Variants in LONP2 observed in about 807,000 individuals in gnomAD.
The protein encoded by LONP2 is lon peptidase 2, peroxisomal.
Under a neutral mutation model 85.6 loss-of-function variants are expected in LONP2, and 60 were observed. The observed-to-expected ratio is 0.70, with a 90% CI of 0.57 to 0.87. The LOEUF is 0.87. Ranked by LOEUF, LONP2 falls within the 40% of genes least tolerant of loss-of-function variation. LONP2 has a pLI of 0.00. For missense variants in LONP2, 860 were observed against 1,063.5 expected, an observed-to-expected ratio of 0.81 and a Z score of 2.66; for synonymous variants, 395 against 389.7, an observed-to-expected ratio of 1.01 and a Z score of -0.16.
chr16:48,351,562 CT>C lies in LONP2; in HGVS notation c.2338-13del. 1 of 1,607,104 alleles carries C rather than the reference CT, an allele frequency of 6.2e-7. No homozygotes were observed. On this transcript the variant is annotated intron_variant, in intron 14 of 14. Transcript: ENST00000285737. ...TGAGGGTGATCATTAACCCTAAAAACTTTTTTCTCTCCTTACAGGTGGGTGG... is the reference window on the plus strand; with the variant it reads ...TGAGGGTGATCATTAACCCTAAAAACTTTTTCTCTCCTTACAGGTGGGTGG...
In LONP2 at chr16:48,258,689, C is replaced by T; in HGVS notation, c.672C>T (p.Gly224=). 1 of 1,610,958 alleles carries T rather than the reference C, an allele frequency of 6.2e-7. No homozygotes were observed. Among genetic ancestry groups the T allele is most frequent in the Non-Finnish European group, 8.5e-7 (1 of 1,178,740 alleles). ...CACTGCTTGTCAGACAAATTGAAGG[C>T]CTGAAATTGCTTCAAAAAACCAGAA... The part of the protein sequence containing the change: ...TIPLLVRQIE[G]LKLLQKTRKP... Residue 224 remains glycine (G), a synonymous_variant, in exon 4 of 15, where the codon GGC becomes GGT. Transcript: ENST00000285737.
chr16:48,257,715 A>G (rs564443165), intron 3 of LONP2, among the ~76,000 whole-genome samples: 1 of 152,362 alleles, frequency 6.6e-6, no homozygotes, highest in African/African-American at 2.4e-5. Flanking sequence ...ACTTAAATCC[A>G]ACTGTTATAA....
chr16:48,277,892 ATT>A (rs529245504), intron 8 of LONP2, among the ~76,000 whole-genome samples: 2,031 of 137,992 alleles, frequency 0.015, 43 homozygotes, highest in African/African-American at 0.051. Flanking sequence ...GCACTTCCTG[ATT>A]TTTTTTTTTT....
intron 8 of LONP2, among the ~76,000 whole-genome samples, chr16:48,278,153 A>G (rs971194276): frequency 4.0e-5 from 6 of 151,804 alleles, no homozygotes; most frequent in African/African-American, 1.2e-4. Context: ...TCCTGTTCCT[A>G]TTTTTGTTTT....
At chr16:48,260,323 G>A (rs185895384) in intron 4 of LONP2, among the ~76,000 whole-genome samples, 2 of 152,288 alleles carry the variant, frequency 1.3e-5, no homozygotes, top group Admixed American at 1.3e-4. Context: ...TGGGCTGAAT[G>A]CAGTGGCTCA....
In LONP2 at chr16:48,252,315, A is replaced by C. The variant is rs1971672070; in HGVS notation, c.418A>C (p.Arg140=). ...GGAGTTTCCCAACACCTGTAAAATG[A>C]GGGAGGAGCTAGGAGAACTATCAGA... is the stretch of plus-strand genomic sequence containing the variant. ...LEEFPNTCKM[R]EELGELSEQF... Residue 140 remains arginine (R), a synonymous_variant, in exon 2 of 15, where the codon AGG becomes CGG. Coordinates refer to ENST00000285737, the MANE Select transcript of LONP2 (RefSeq NM_031490.5). The C allele has an allele frequency of 2.5e-6, 4 of 1,613,596 alleles. No individual in the cohort carries two copies. The highest frequency in any genetic ancestry group is 1.7e-5 in the Admixed American group (1 of 59,924).
chr16:48,336,715 A>G (rs1335665520), intron 12 of LONP2, among the ~76,000 whole-genome samples: 1 of 152,192 alleles, frequency 6.6e-6, no homozygotes, highest in Non-Finnish European at 1.5e-5. Flanking sequence ...ACAAATCACA[A>G]TGGTGGAATG....
At chr16:48,268,441 C>T (rs1972035967) in intron 6 of LONP2, among the ~76,000 whole-genome samples, 1 of 152,186 alleles carries the variant, frequency 6.6e-6, no homozygotes, top group Non-Finnish European at 1.5e-5. Context: ...TGGAAACTTA[C>T]TCTTCTTGAA....
chr16:48,254,067 GTTC>G (rs1178793633), intron 2 of LONP2, among the ~76,000 whole-genome samples: 2 of 152,056 alleles, frequency 1.3e-5, no homozygotes, highest in Non-Finnish European at 2.9e-5. Context: ...CTGTCTCCTA[GTTC>G]TTCTGTCTTG....
intron 11 of LONP2, among the ~76,000 whole-genome samples, chr16:48,323,196 T>C (rs2151016937): frequency 6.6e-6 from 1 of 152,344 alleles, no homozygotes; most frequent in South Asian, 2.1e-4. Context: ...AGCTCTATTT[T>C]ACTTACTAAA....
intron 11 of LONP2, among the ~76,000 whole-genome samples, chr16:48,308,581 C>G (rs543939660): frequency 6.7e-6 from 1 of 149,546 alleles, no homozygotes; most frequent in Admixed American, 6.7e-5. Flanking sequence ...GAGCCGAGAT[C>G]GCGCCATTGC....
At chr16:48,259,256 A>G (rs1334999324) in intron 4 of LONP2, among the ~76,000 whole-genome samples, 1 of 152,038 alleles carries the variant, frequency 6.6e-6, no homozygotes, top group Non-Finnish European at 1.5e-5. Flanking sequence ...ATTTTAGTTG[A>G]TTTTTTAAAA....
intron 9 of LONP2, among the ~76,000 whole-genome samples, chr16:48,298,074 T>G (rs548699082): frequency 1.3e-5 from 2 of 152,336 alleles, no homozygotes; most frequent in Admixed American, 1.3e-4. Flanking sequence ...AAATAAGTAA[T>G]GAATTCCCTG....
At chr16:48,294,526 G>A (rs1162653870) in intron 8 of LONP2, among the ~76,000 whole-genome samples, 1 of 152,172 alleles carries the variant, frequency 6.6e-6, no homozygotes, top group Non-Finnish European at 1.5e-5. Context: ...TGCACTTTGG[G>A]AGGCCAAGGC....
rs73562026 is a variant in LONP2, at chr16:48,334,037, G to A, written c.1796-179G>A. On this transcript the variant is annotated intron_variant, in intron 11 of 14. Coordinates refer to ENST00000285737, the MANE Select transcript of LONP2 (RefSeq NM_031490.5). ...CAAATACCACCCTCGGTGAGCTCTT[G>A]AAACACAAATTATTTCACCTGCATT... 7.2e-3 allele frequency among the ~76,000 whole-genome samples: 1,097 copies of A among 152,324 alleles called. 13 individuals carry two copies. Among genetic ancestry groups the A allele is most frequent in the African/African-American group, 0.024 (1,004 of 41,578 alleles).
intron 11 of LONP2, among the ~76,000 whole-genome samples, chr16:48,317,655 A>AAAG (rs1973173554): frequency 6.6e-6 from 1 of 152,236 alleles, no homozygotes; most frequent in Non-Finnish European, 1.5e-5. Flanking sequence ...TGACTTGGTT[A>AAAG]ACAGACATGT....
intron 11 of LONP2, among the ~76,000 whole-genome samples, chr16:48,325,980 A>C (rs1041199526): frequency 6.6e-6 from 1 of 152,212 alleles, no homozygotes; most frequent in Non-Finnish European, 1.5e-5. Context: ...CAGTAGTCCT[A>C]ATACTGTCTG....
At chr16:48,293,590 T>G (rs1454595749) in intron 8 of LONP2, among the ~76,000 whole-genome samples, 1 of 151,892 alleles carries the variant, frequency 6.6e-6, no homozygotes, top group Non-Finnish European at 1.5e-5. Context: ...GGGGAATCAG[T>G]AGAGGGAAAC....
At chr16:48,247,540 A>G (rs1340915924) in intron 1 of LONP2, 1 of 152,300 alleles carries the variant, frequency 6.6e-6, no homozygotes, top group Non-Finnish European at 1.5e-5. Context: ...GTTAGTGTGC[A>G]GGCATGTTGC....
Sources: allele counts gnomAD v4.1 joint callset (sites outside exome capture counted in the v4.1 genomes callset), GRCh38; gene constraint gnomAD v4.1.1; transcripts MANE v1.5; gene names NCBI Gene and HGNC (gene_info 2026-07-23, HGNC 2026-07-21).